The following CNTN1 variants were observed in gnomAD, a reference collection of about 807,000 sequenced individuals.
The protein encoded by CNTN1 is contactin-1.
In CNTN1, 38 loss-of-function variants were observed where a neutral mutation model predicts 126.4. The observed-to-expected ratio is 0.30, with a 90% CI of 0.23 to 0.39. The LOEUF (loss-of-function observed/expected upper bound fraction) is 0.39, where lower values mean the gene tolerates loss of function less well. Ranked by LOEUF, CNTN1 falls within the 10% of genes least tolerant of loss-of-function variation. The pLI is 1.00. For synonymous variants in CNTN1, 413 were observed against 422.6 expected (o/e 0.98, Z 0.28); for missense variants, 1,009 against 1,248.4 (o/e 0.81, Z 2.89).
chr12:40,925,153 G>T (rs1184272352), intron 6 of CNTN1, among the ~76,000 whole-genome samples: 1 of 151,694 alleles, frequency 6.6e-6, no homozygotes. Context: ...GCTAAATTAA[G>T]TGTCATCTGT....
At chr12:40,699,765 A>AAG (rs1941549531) in intron 1 of CNTN1, among the ~76,000 whole-genome samples, 2 of 152,162 alleles carry the variant, frequency 1.3e-5, no homozygotes, top group Non-Finnish European at 2.9e-5. Context: ...AGATAAAAAA[A>AAG]AAAAGCTCAG....
intron 1 of CNTN1, among the ~76,000 whole-genome samples, chr12:40,808,966 C>T (rs773986110): frequency 6.6e-6 from 1 of 152,006 alleles, no homozygotes; most frequent in Non-Finnish European, 1.5e-5. Flanking sequence ...ATAATTATTA[C>T]TGGATCATAT....
intron 15 of CNTN1, among the ~76,000 whole-genome samples, chr12:40,959,884 A>G (rs1180259977): frequency 6.6e-6 from 1 of 152,054 alleles, no homozygotes; most frequent in Non-Finnish European, 1.5e-5. Flanking sequence ...TTTGCACCCA[A>G]GAAGTACCAT....
chr12:40,899,285 C>T lies in CNTN1; in HGVS notation c.-76-9072C>T, dbSNP rs1056133142. On this transcript the variant is annotated intron_variant, in intron 1 of 23. Transcript: ENST00000551295. ...TTCTTTTGTAGTAGTCTACCAATCTCAGATCGGTTTGAATTGCAGTTGAGC... is the reference window on the plus strand; with the variant it reads ...TTCTTTTGTAGTAGTCTACCAATCTTAGATCGGTTTGAATTGCAGTTGAGC... Among the ~76,000 whole-genome samples, 9 of 152,290 alleles carry T rather than the reference C, an allele frequency of 5.9e-5. No homozygotes were observed. In the East Asian group the frequency reaches 1.7e-3, roughly 29 times the overall value.
At chr12:40,842,012 T>G (rs1231812004) in intron 1 of CNTN1, among the ~76,000 whole-genome samples, 4 of 140,374 alleles carry the variant, frequency 2.8e-5, no homozygotes, top group South Asian at 4.5e-4. Flanking sequence ...AAAAAAGAAA[T>G]AAATAAAAAG....
chr12:41,056,768 TCTGA>T lies in CNTN1; in HGVS notation c.2981-13188_2981-13185del, dbSNP rs1450528065. 2.1e-4 allele frequency among the ~76,000 whole-genome samples: 32 copies of T among 151,550 alleles called. No individual in the cohort carries two copies. The East Asian group carries it at 5.2e-3, about 25-fold the overall frequency. On this transcript the variant is annotated intron_variant, in intron 23 of 23. Coordinates refer to ENST00000551295, the MANE Select transcript of CNTN1 (RefSeq NM_001843.4). ...TCCATCCGTACAAGTGGAAAATTCA[TCTGA>T]CTCAGTTAAAACTAACATATTTAAA...
intron 1 of CNTN1, among the ~76,000 whole-genome samples, chr12:40,879,836 G>A (rs904439260): frequency 6.6e-6 from 1 of 151,584 alleles, no homozygotes; most frequent in Admixed American, 6.6e-5. Flanking sequence ...TTATGTCCTT[G>A]TTTTTTTTCT....
chr12:40,910,613 C>T (rs1191434279), intron 3 of CNTN1, among the ~76,000 whole-genome samples: 1 of 152,108 alleles, frequency 6.6e-6, no homozygotes, highest in African/African-American at 2.4e-5. Flanking sequence ...GCATGGTATA[C>T]TGGAAAAAAT....
chr12:40,877,058 T>G (rs1475979738), intron 1 of CNTN1, among the ~76,000 whole-genome samples: 1 of 152,160 alleles, frequency 6.6e-6, no homozygotes, highest in Non-Finnish European at 1.5e-5. Flanking sequence ...TTCGCCAAAA[T>G]AATTGTGAGT....
chr12:41,044,901 T>C (rs1327344102), intron 23 of CNTN1, among the ~76,000 whole-genome samples: 1 of 152,106 alleles, frequency 6.6e-6, no homozygotes, highest in East Asian at 1.9e-4. Context: ...TTCTCTTACC[T>C]GTAAGTATAA....
chr12:41,007,048 T>G (rs1251964585), intron 17 of CNTN1, among the ~76,000 whole-genome samples: 3 of 33,372 alleles, frequency 9.0e-5, no homozygotes, highest in East Asian at 1.0e-3. Context: ...TTGTGTGGTT[T>G]TTTTTTTTTT....
At chr12:40,693,170 C>G (rs1361832452) in intron 1 of CNTN1, among the ~76,000 whole-genome samples, 1 of 152,198 alleles carries the variant, frequency 6.6e-6, no homozygotes, top group African/African-American at 2.4e-5. Context: ...ATCCCTGCAA[C>G]TCGAAGGGCA....
chr12:41,040,571 G>T (rs1311026076), intron 23 of CNTN1, among the ~76,000 whole-genome samples: 2 of 152,020 alleles, frequency 1.3e-5, no homozygotes, highest in Non-Finnish European at 2.9e-5. Context: ...CCATTTCTTT[G>T]TATCCTCTTT....
At chr12:40,805,275 T>G (rs1297220283) in intron 1 of CNTN1, among the ~76,000 whole-genome samples, 1 of 152,018 alleles carries the variant, frequency 6.6e-6, no homozygotes, top group African/African-American at 2.4e-5. Context: ...TCTTTTCTTC[T>G]GGACTTTTGC....
chr12:40,907,115 C>T (rs1248729219), intron 1 of CNTN1, among the ~76,000 whole-genome samples: 1 of 152,108 alleles, frequency 6.6e-6, no homozygotes, highest in East Asian at 1.9e-4. Context: ...GATGAGTGCT[C>T]TAATGCCCTA....
chr12:40,776,275 GA>G (rs1236107511), intron 1 of CNTN1, among the ~76,000 whole-genome samples: 1 of 151,620 alleles, frequency 6.6e-6, no homozygotes, highest in Non-Finnish European at 1.5e-5. Context: ...ACAAGAGTTG[GA>G]CACATAAGAT....
chr12:40,953,948 A>G (rs183389258), intron 14 of CNTN1, among the ~76,000 whole-genome samples: 1 of 152,224 alleles, frequency 6.6e-6, no homozygotes, highest in East Asian at 1.9e-4. Flanking sequence ...TGATACCACA[A>G]TATGTTTATT....
intron 1 of CNTN1, among the ~76,000 whole-genome samples, chr12:40,866,173 A>AATTCAGCATCT (rs1943289359): frequency 6.6e-6 from 1 of 152,090 alleles, no homozygotes; most frequent in African/African-American, 2.4e-5. Flanking sequence ...TCTACCCTGA[A>AATTCAGCATCT]ACCTTGCTGA....
chr12:40,981,889 GA>G (rs1472384670), intron 16 of CNTN1, among the ~76,000 whole-genome samples: 1 of 150,612 alleles, frequency 6.6e-6, no homozygotes, highest in Non-Finnish European at 1.5e-5. Flanking sequence ...CACAAGAGGA[GA>G]AATGAGACAC....
Sources: gnomAD v4.1 joint callset for allele counts (sites outside exome capture counted in the v4.1 genomes callset) on GRCh38, gnomAD v4.1.1 for gene constraint, MANE v1.5 for transcripts, NCBI Gene and HGNC (gene_info 2026-07-23, HGNC 2026-07-21) for gene names.